ARHGAP33: variants seen among roughly 807,000 people sequenced by gnomAD.
ARHGAP33 encodes the protein Rho GTPase activating protein 33.
In ARHGAP33, 57 loss-of-function variants were observed where a neutral mutation model predicts 126.2. The ratio of observed to expected loss-of-function variants is 0.45; its 90% CI spans 0.36 to 0.56. The LOEUF is 0.56. ARHGAP33 is among the 20% of genes least tolerant of loss of function. The pLI is 0.00. For synonymous variants in ARHGAP33, 711 were observed against 755.0 expected, an observed-to-expected ratio of 0.94 and a Z score of 0.95; for missense variants, 1,500 against 1,748.3, an observed-to-expected ratio of 0.86 and a Z score of 2.53.
intron 16 of ARHGAP33, 181 bp from the exon 17 acceptor site, chr19:35,784,772 G>GCCC: frequency 7.6e-7 from 1 of 1,322,240 alleles, no homozygotes; most frequent in South Asian, 1.8e-5. Flanking sequence ...AGCTCGTCCC[G>GCCC]CCCCGCCCTC....
At position 35,782,757 on chromosome 19, in the gene ARHGAP33, C is replaced by A; in HGVS notation, c.1314-5C>A. ...CTCAGGTGCCCCCTCTGCTCCCACCCCCAGGACCCTGGAGTACCTGCTGAG... is the reference window on the plus strand; with the variant it reads ...CTCAGGTGCCCCCTCTGCTCCCACCACCAGGACCCTGGAGTACCTGCTGAG... On this transcript the variant is annotated splice_polypyrimidine_tract_variant and splice_region_variant and intron_variant, in intron 14 of 20. Coordinates refer to ENST00000007510, the MANE Select transcript of ARHGAP33 (RefSeq NM_001366178.1). This position sits in a 1 kb window ranked among gnomAD's most constrained non-coding sequence, Gnocchi z 4.1. 5 of 1,612,702 alleles carry A rather than the reference C, an allele frequency of 3.1e-6. No individual in the cohort carries two copies. The highest frequency in any genetic ancestry group is 4.2e-6 in the Non-Finnish European group (5 of 1,179,198).
intron 12 of ARHGAP33, among the ~76,000 whole-genome samples, chr19:35,781,775 G>A (rs1008564955): frequency 2.9e-4 from 44 of 152,180 alleles, no homozygotes; most frequent in African/African-American, 1.0e-3. Context: ...CCGTGCCAGC[G>A]CAGGCAAAGC....
Position 35,780,970 on chromosome 19 carries a change from C to T in ARHGAP33, c.880C>T (p.Arg294Cys), listed in dbSNP as rs373692589. ...GGCCGGCCTGCTCCGCACCTTCATG[C>T]GCTCCCGCCCTTCTCGGCAGCGGCT... ...KLAGLLRTFM[R>C]SRPSRQRLRQ... The change falls in exon 11 of 21, where the codon CGC (arginine) becomes TGC (cysteine). Residue 294 changes from arginine (R) to cysteine (C), a missense_variant. Coordinates refer to ENST00000007510, the MANE Select transcript of ARHGAP33 (RefSeq NM_001366178.1). The T allele has an allele frequency of 8.1e-6, 13 of 1,610,246 alleles. No individual in the cohort carries two copies. Among genetic ancestry groups the T allele is most frequent in the Admixed American group, 3.3e-5 (2 of 60,012 alleles).
rs1375057448 is a variant in ARHGAP33 at position 35,786,371 on chromosome 19, G to T, written c.1943-42G>T. 3.3e-6 allele frequency: 5 copies of T among 1,497,054 alleles called. No individual in the cohort carries two copies. Among genetic ancestry groups the T allele is most frequent in the Non-Finnish European group, 3.6e-6 (4 of 1,125,996 alleles). 92.7% of individuals were successfully genotyped at this position (1,497,054 alleles called of 1,614,324 possible). A position where few individuals can be genotyped will look rare whatever the true frequency, so the allele number is the denominator to read the frequency against. On this transcript the variant is annotated intron_variant, in intron 19 of 20. Coordinates refer to ENST00000007510, the MANE Select transcript of ARHGAP33 (RefSeq NM_001366178.1). This position sits in a 1 kb window ranked among gnomAD's most constrained non-coding sequence, Gnocchi z 7.0. ...TCCCCAGCTTTCTGTGGGGCTGTGC[G>T]CCCTGTTCTCAGGGATGGTCTCACT...
chr19:35,784,932 C>T (rs1282120609), intron 16 of ARHGAP33, 21 bp from the exon 17 acceptor site: 2 of 1,528,746 alleles, frequency 1.3e-6, no homozygotes, highest in Non-Finnish European at 1.8e-6. Context: ...CTGACAGCTG[C>T]CCCCTTTCCA....
chr19:35,777,678 G>T lies in ARHGAP33; in HGVS notation c.40G>T (p.Glu14Ter), dbSNP rs1971529535. The change falls in exon 2 of 21, where the codon GAG becomes TAG. Residue 14 changes from glutamate to a stop codon, truncating the protein, a stop_gained. Coordinates refer to ENST00000007510, the MANE Select transcript of ARHGAP33 (RefSeq NM_001366178.1). LOFTEE classifies it high-confidence loss of function. ...RSTDSLDGPG[E>*]GSVQPLPTAG... is the part of the protein sequence containing the mutation. ...CACTGACAGCCTGGATGGCCCAGGG[G>T]AGGGCTCGGTGCAGCCTCTACCCAC... 3.1e-6 allele frequency: 5 copies of T among 1,587,478 alleles called. No individual in the cohort carries two copies. The highest frequency in any genetic ancestry group is 4.3e-6 in the Non-Finnish European group (5 of 1,166,676).
Position 35,786,571 on chromosome 19 carries a change from G to A in ARHGAP33, c.2101G>A (p.Ala701Thr). The change falls in exon 20 of 21, where the codon GCT (alanine) becomes ACT (threonine). Residue 701 changes from alanine to threonine, a missense_variant. Transcript: ENST00000007510. This position sits in a 1 kb window ranked among gnomAD's most constrained non-coding sequence, Gnocchi z 7.0. ...CTCTTCCTCCTCTGAGTCCTCAGCAGCTGGGCTGGGGGCACTCTCTGGGTC... is the reference window on the plus strand; with the variant it reads ...CTCTTCCTCCTCTGAGTCCTCAGCAACTGGGCTGGGGGCACTCTCTGGGTC... The part of the protein sequence containing the change: ...SSSSSSESSA[A>T]GLGALSGSPS... The A allele has an allele frequency of 6.5e-7, 1 of 1,536,082 alleles. No individual in the cohort carries two copies.
At chr19:35,775,810 C>T (rs1346458747) in intron 1 of ARHGAP33, 146 bp downstream of exon 1, 1 of 800,234 alleles carries the variant, frequency 1.2e-6, no homozygotes, top group East Asian at 3.4e-5. Context: ...CGGCCCCATC[C>T]CGGGTCCCAG....
rs777998253 is a variant in ARHGAP33 at position 35,779,038 on chromosome 19, G to A, written c.415G>A (p.Val139Met). The A allele has an allele frequency of 6.5e-7, 1 of 1,550,330 alleles. No homozygotes were observed. Among genetic ancestry groups the A allele is most frequent in the African/African-American group, 1.4e-5 (1 of 73,096 alleles). The stretch of plus-strand genomic sequence containing the variant: ...TCTGACAACCTGCCCCCAGATGCTG[G>A]TGCCACTGCTGCTGCAGTACCTGGA... ...PEGARAAQML[V>M]PLLLQYLETL... is the part of the protein sequence containing the mutation. Residue 139 changes from valine (V) to methionine (M), a missense_variant, in exon 6 of 21, where the codon GTG (valine) becomes ATG (methionine). Val to Met is a conservative substitution (Grantham distance 21). Transcript: ENST00000007510.
intron 11 of ARHGAP33, 28 bp downstream of exon 11, chr19:35,781,100 C>A (rs757088336): frequency 3.1e-6 from 5 of 1,610,822 alleles, no homozygotes; most frequent in Middle Eastern, 3.4e-4. Context: ...CCACCCCACC[C>A]GTCACACCAG....
chr19:35,779,027 C>T lies in ARHGAP33; in HGVS notation c.409-5C>T. The T allele has an allele frequency of 6.5e-7, 1 of 1,549,888 alleles. No individual in the cohort carries two copies. The highest frequency in any genetic ancestry group is 1.4e-5 in the African/African-American group (1 of 73,060). On this transcript the variant is annotated splice_region_variant and splice_polypyrimidine_tract_variant and intron_variant, in intron 5 of 20. Transcript: ENST00000007510. ...CAGAGGCCCACTCTGACAACCTGCCCCCAGATGCTGGTGCCACTGCTGCTG... is the reference window on the plus strand; with the variant it reads ...CAGAGGCCCACTCTGACAACCTGCCTCCAGATGCTGGTGCCACTGCTGCTG...
At position 35,788,409 on chromosome 19, in the gene ARHGAP33, C is replaced by T; in HGVS notation, c.3844C>T (p.Gln1282Ter). Reference sequence around the variant, plus strand: ...CAGCTGGTCCCTCCACTCTGAGGGCCAGACCCGAAGCTACTGCTGAGCACC... The same window carrying T: ...CAGCTGGTCCCTCCACTCTGAGGGCTAGACCCGAAGCTACTGCTGAGCACC... ...TPSWSLHSEG[Q>*]TRSYC The change falls in exon 21 of 21, where the codon CAG becomes TAG. Residue 1282 changes from glutamine (Q) to a stop codon, truncating the protein, a stop_gained. Transcript: ENST00000007510. LOFTEE classifies it high-confidence loss of function. The T allele has an allele frequency of 6.3e-7, 1 of 1,575,422 alleles. No individual in the cohort carries two copies. The highest frequency in any genetic ancestry group is 8.6e-7 in the Non-Finnish European group (1 of 1,160,990).
Position 35,778,452 on chromosome 19 carries a change from C to T in ARHGAP33, c.271-12C>T. ...GGGGCCCCTGCTCCCTTCTGTCCCT[C>T]TGCTCCCACAGGGCCGTTCCTGGCC... On this transcript the variant is annotated splice_polypyrimidine_tract_variant and intron_variant, in intron 4 of 20. Transcript: ENST00000007510. The T allele has an allele frequency of 6.2e-7, 1 of 1,614,186 alleles. No homozygotes were observed. Among genetic ancestry groups the T allele is most frequent in the Non-Finnish European group, 8.5e-7 (1 of 1,180,016 alleles).
At position 35,787,400 on chromosome 19, in the gene ARHGAP33, G is replaced by T; in HGVS notation, c.2835G>T (p.Gly945=). 3 of 1,610,242 alleles carry T rather than the reference G, an allele frequency of 1.9e-6. No individual in the cohort carries two copies. The African/African-American group carries it at 4.0e-5, about 21-fold the overall frequency. The change falls in exon 21 of 21, where the codon GGG becomes GGT. Residue 945 remains glycine (G), a synonymous_variant. Transcript: ENST00000007510. Reference sequence around the variant, plus strand: ...TGGAGGTGGGCGGGGAGCCCCTGGGGACCTCAGGGAGTGGGCCACCTCCCA... The same window carrying T: ...TGGAGGTGGGCGGGGAGCCCCTGGGTACCTCAGGGAGTGGGCCACCTCCCA... ...LSLEVGGEPL[G]TSGSGPPPNS...
chr19:35,784,863 G>GGGGCC, intron 16 of ARHGAP33, 90 bp from the exon 17 acceptor site: 1 of 1,407,118 alleles, frequency 7.1e-7, no homozygotes, highest in Non-Finnish European at 9.2e-7. Flanking sequence ...GGCATGCTGC[G>GGGGCC]GGGCCGGGGC....
rs1185375036 is a variant in ARHGAP33, at chr19:35,780,667, T to TGGGAGGTGTG, written c.769+26_769+35dup. 2 of 515,186 alleles carry TGGGAGGTGTG rather than the reference T, an allele frequency of 3.9e-6. No homozygotes were observed. The highest frequency in any genetic ancestry group is 4.0e-5 in the African/African-American group (1 of 25,216). The allele number at this position is 515,186 out of a possible 1,614,324, so 31.9% of individuals were successfully genotyped here. ...AAGGCGGGTAAGTGCCATGGATGGATGGGAGGTGTGGGGAGGGGTGGGAAG... is the reference window on the plus strand; with the variant it reads ...AAGGCGGGTAAGTGCCATGGATGGATGGGAGGTGTGGGGAGGTGTGGGGAGGGGTGGGAAG... On this transcript the variant is annotated intron_variant, in intron 9 of 20. Transcript: ENST00000007510.
At position 35,778,621 on chromosome 19, in the gene ARHGAP33, A is replaced by G; in HGVS notation, c.408+20A>G. Reference sequence around the variant, plus strand: ...GCCCAGGTAACCTGCTTGTTGTCTCAGCCCCTGCCTCATGAGTGTGTCCTC... The same window carrying G: ...GCCCAGGTAACCTGCTTGTTGTCTCGGCCCCTGCCTCATGAGTGTGTCCTC... On this transcript the variant is annotated intron_variant, in intron 5 of 20. Transcript: ENST00000007510. The G allele has an allele frequency of 6.2e-7, 1 of 1,608,610 alleles. No homozygotes were observed. Among genetic ancestry groups the G allele is most frequent in the South Asian group, 1.1e-5 (1 of 90,578 alleles).
In ARHGAP33 at chr19:35,786,717, C is replaced by G; in HGVS notation, c.2247C>G (p.Ser749Arg). The change falls in exon 20 of 21, where the codon AGC (serine) becomes AGG (arginine). Residue 749 changes from serine to arginine, a missense_variant. By Grantham distance (110) the Ser-to-Arg change is moderately radical. Transcript: ENST00000007510. The surrounding 1 kb of genome is among the most constrained non-coding windows in gnomAD (Gnocchi z 7.0). ...DFDPLTFRCS[S>R]PTPGDPAPPA... ...ATCCCTTAACCTTCCGCTGCAGCAG[C>G]CCCACCCCAGGGGATCCCGCACCTC... 2.0e-6 allele frequency: 3 copies of G among 1,533,806 alleles called. No individual in the cohort carries two copies. Among genetic ancestry groups the G allele is most frequent in the Middle Eastern group, 1.7e-4 (1 of 5,742 alleles).
chr19:35,778,468 G>T lies in ARHGAP33; in HGVS notation c.275G>T (p.Arg92Leu), dbSNP rs754633637. 1 of 1,614,190 alleles carries T rather than the reference G, an allele frequency of 6.2e-7. No individual in the cohort carries two copies. The highest frequency in any genetic ancestry group is 8.5e-7 in the Non-Finnish European group (1 of 1,180,022). ...TCTGTCCCTCTGCTCCCACAGGGCC[G>T]TTCCTGGCCGGTTCTCCGGAGTTAC... ...VFGVQVTCQG[R>L]SWPVLRSYDD... Residue 92 changes from arginine (R) to leucine (L), a missense_variant, in exon 5 of 21, where the codon CGT (arginine) becomes CTT (leucine). By Grantham distance (102) the Arg-to-Leu change is moderately radical. Coordinates refer to ENST00000007510, the MANE Select transcript of ARHGAP33 (RefSeq NM_001366178.1).
Sources: gnomAD v4.1 joint callset for allele counts (sites outside exome capture counted in the v4.1 genomes callset) on GRCh38, gnomAD v4.1.1 for gene constraint, Gnocchi (gnomAD v3.1) non-coding constraint, MANE v1.5 for transcripts, NCBI Gene and HGNC (gene_info 2026-07-23, HGNC 2026-07-21) for gene names.